The following TYW1B variants were observed in gnomAD, a reference collection of about 807,000 sequenced individuals.
TYW1B encodes tRNA-yW synthesizing protein 1 homolog B.
TYW1B carries 73 observed loss-of-function variants against 86.9 expected under a neutral mutation model. The ratio of observed to expected loss-of-function variants is 0.84; its 90% CI spans 0.70 to 1.02. TYW1B has a LOEUF of 1.02. Among genes scored for constraint, TYW1B ranks in the 50% least tolerant of loss-of-function variants. TYW1B has a pLI of 0.00. For synonymous variants in TYW1B, 248 were observed against 292.8 expected (o/e 0.85, Z 1.56); for missense variants, 637 against 827.4 (o/e 0.77, Z 2.82).
At chr7:72,742,204 A>G (rs1180204238) in intron 8 of TYW1B, among the ~76,000 whole-genome samples, 1 of 152,136 alleles carries the variant, frequency 6.6e-6, no homozygotes, top group Admixed American at 6.6e-5. Context: ...ATCAAGGCTC[A>G]TTGCAACCTC....
At chr7:72,663,986 T>C (rs1813399895) in intron 11 of TYW1B, among the ~76,000 whole-genome samples, 1 of 152,014 alleles carries the variant, frequency 6.6e-6, no homozygotes. Context: ...TCTACTGAGA[T>C]ATATAAACAT....
chr7:72,577,776 G>C (rs1220278309), intron 13 of TYW1B, among the ~76,000 whole-genome samples: 2 of 152,182 alleles, frequency 1.3e-5, no homozygotes, highest in Non-Finnish European at 2.9e-5. Flanking sequence ...TGTAAAGTCT[G>C]AGTATCAAAT....
chr7:72,824,754 A>T lies in TYW1B; in HGVS notation c.135+2101T>A, dbSNP rs1471646277. 1.7e-4 allele frequency among the ~76,000 whole-genome samples: 26 copies of T among 151,946 alleles called. 1 individual carries two copies. Among genetic ancestry groups the T allele is most frequent in the Middle Eastern group, 6.8e-3 (2 of 294 alleles). The stretch of plus-strand genomic sequence containing the variant: ...AGATACCATCTCAAAAATAAAATAA[A>T]TTTTTTTTAAATAGCTGTGACCTTG... On this transcript the variant is annotated intron_variant, in intron 2 of 13. Coordinates refer to ENST00000620995, the MANE Select transcript of TYW1B (RefSeq NM_001145440.3).
chr7:72,613,597 G>A (rs1263077737), intron 13 of TYW1B, among the ~76,000 whole-genome samples: 5 of 151,546 alleles, frequency 3.3e-5, no homozygotes, highest in Admixed American at 2.0e-4. Context: ...TATTAGAGAT[G>A]GAGTTTCACT....
chr7:72,654,739 G>A lies in TYW1B; in HGVS notation c.1507-25742C>T, dbSNP rs145705620. On this transcript the variant is annotated intron_variant, in intron 11 of 13. Coordinates refer to ENST00000620995, the MANE Select transcript of TYW1B (RefSeq NM_001145440.3). Reference sequence around the variant, plus strand: ...CTACTGAAAATACAAACATTAGCCAGGCGTGGTGGTTGACACCTGCAATCC... The same window carrying A: ...CTACTGAAAATACAAACATTAGCCAAGCGTGGTGGTTGACACCTGCAATCC... 2.2e-3 allele frequency among the ~76,000 whole-genome samples: 336 copies of A among 152,240 alleles called. 4 individuals carry two copies. The highest frequency in any genetic ancestry group is 7.5e-3 in the African/African-American group (310 of 41,536).
At chr7:72,638,363 A>G (rs375963617) in intron 11 of TYW1B, among the ~76,000 whole-genome samples, 22,011 of 129,308 alleles carry the variant, frequency 0.17, 1 homozygote, top group African/African-American at 0.22. Context: ...GGCTGATTCA[A>G]CATTTGAAAA....
At chr7:72,614,980 C>T (rs1812034858) in intron 13 of TYW1B, among the ~76,000 whole-genome samples, 1 of 152,178 alleles carries the variant, frequency 6.6e-6, no homozygotes, top group Non-Finnish European at 1.5e-5. Flanking sequence ...CATTACACTA[C>T]AGAAAGATGA....
In TYW1B at chr7:72,713,714, A is replaced by G. The variant is rs782450869; in HGVS notation, c.1277T>C (p.Met426Thr). 9.9e-6 allele frequency: 16 copies of G among 1,613,640 alleles called. No homozygotes were observed. Among genetic ancestry groups the G allele is most frequent in the South Asian group, 8.8e-5 (8 of 90,996 alleles). The change falls in exon 10 of 14, where the codon ATG becomes ACG. Residue 426 changes from methionine (M) to threonine (T), a missense_variant. By Grantham distance (81) the Met-to-Thr change is moderately conservative. Coordinates refer to ENST00000620995, the MANE Select transcript of TYW1B (RefSeq NM_001145440.3). ...CAAAAACCTGTTGATCTCTGGGTAC[A>G]TTATTGGTTCTCCCACGAGGGACAA... ...CALSLVGEPI[M>T]YPEINRFLKL...
chr7:72,599,952 C>T (rs117547381), intron 13 of TYW1B, among the ~76,000 whole-genome samples: 5,009 of 152,194 alleles, frequency 0.033, 128 homozygotes, highest in Middle Eastern at 0.051. Context: ...TTTTTCCCAA[C>T]TGTGTTTGTA....
chr7:72,627,861 T>C (rs1424636688), intron 12 of TYW1B, among the ~76,000 whole-genome samples: 7 of 152,158 alleles, frequency 4.6e-5, no homozygotes, highest in African/African-American at 1.7e-4. Context: ...ACATAGGGCA[T>C]CAGCCAAGAT....
Position 72,620,585 on chromosome 7 carries a change from A to G in TYW1B, c.1618-3746T>C, listed in dbSNP as rs568900660. On this transcript the variant is annotated intron_variant, in intron 12 of 13. Transcript: ENST00000620995. Reference sequence around the variant, plus strand: ...ACCCCGAGCTCTCACTCAGAGCCCAATGGCTCTGTCTGGTTTTCTCTCTGC... The same window carrying G: ...ACCCCGAGCTCTCACTCAGAGCCCAGTGGCTCTGTCTGGTTTTCTCTCTGC... Among the ~76,000 whole-genome samples, 105 of 152,030 alleles carry G rather than the reference A, an allele frequency of 6.9e-4. 1 individual carries two copies. The highest frequency in any genetic ancestry group is 5.4e-3 in the Admixed American group (82 of 15,270).
At chr7:72,684,600 T>A (rs35227736) in intron 11 of TYW1B, among the ~76,000 whole-genome samples, 6 of 152,098 alleles carry the variant, frequency 3.9e-5, no homozygotes, top group African/African-American at 1.4e-4. Context: ...GAAAATGATA[T>A]AGGTCAGAAA....
chr7:72,802,347 A>G (rs1788415691), intron 6 of TYW1B, 53 bp downstream of exon 6: 12 of 1,608,414 alleles, frequency 7.5e-6, no homozygotes, highest in Non-Finnish European at 1.0e-5. Flanking sequence ...AAGAAATACT[A>G]AATGTTAACC....
intron 11 of TYW1B, among the ~76,000 whole-genome samples, chr7:72,656,461 A>G (rs1317128371): frequency 6.6e-6 from 1 of 152,150 alleles, no homozygotes; most frequent in African/African-American, 2.4e-5. Flanking sequence ...AAGAATACTT[A>G]GCCGGGCTCA....
intron 8 of TYW1B, among the ~76,000 whole-genome samples, chr7:72,739,044 C>T (rs1787252972): frequency 6.6e-6 from 1 of 152,038 alleles, no homozygotes; most frequent in Non-Finnish European, 1.5e-5. Context: ...TATGATTGCA[C>T]CACTGTACTC....
At chr7:72,638,009 T>C (rs1247843683) in intron 11 of TYW1B, among the ~76,000 whole-genome samples, 1 of 151,978 alleles carries the variant, frequency 6.6e-6, no homozygotes, top group African/African-American at 2.4e-5. Context: ...AAAATGTTTT[T>C]ATTTATCCTG....
chr7:72,787,464 A>AG (rs1421362421), intron 6 of TYW1B, among the ~76,000 whole-genome samples: 4 of 150,516 alleles, frequency 2.7e-5, no homozygotes, highest in Non-Finnish European at 5.9e-5. Context: ...CTCCATCTCA[A>AG]AAAAAAAATA....
At chr7:72,681,862 G>T (rs556730468) in intron 11 of TYW1B, among the ~76,000 whole-genome samples, 1 of 151,766 alleles carries the variant, frequency 6.6e-6, no homozygotes, top group South Asian at 2.1e-4. Context: ...CGGGATTCCA[G>T]AAGTGAGCCA....
At chr7:72,601,675 T>C (rs1554433751) in intron 13 of TYW1B, among the ~76,000 whole-genome samples, 1 of 148,872 alleles carries the variant, frequency 6.7e-6, no homozygotes, top group African/African-American at 2.5e-5. Context: ...GGGAGTTTTA[T>C]TTGCCAATAA....
Sources: allele counts gnomAD v4.1 joint callset (sites outside exome capture counted in the v4.1 genomes callset), GRCh38; gene constraint gnomAD v4.1.1; transcripts MANE v1.5; gene names NCBI Gene and HGNC (gene_info 2026-07-23, HGNC 2026-07-21).